The following SUMF1 variants were observed in gnomAD, a reference collection of about 807,000 sequenced individuals.
The protein encoded by SUMF1 is sulfatase modifying factor 1.
Under a neutral mutation model 47.6 loss-of-function variants are expected in SUMF1, and 48 were observed. The observed-to-expected ratio is 1.01, with a 90% CI of 0.80 to 1.28. The LOEUF (loss-of-function observed/expected upper bound fraction) is 1.28, where lower values mean the gene tolerates loss of function less well. SUMF1 is among the 50% of genes most tolerant of loss of function. SUMF1 has a pLI of 0.00. For synonymous variants in SUMF1, 230 were observed against 192.1 expected (o/e 1.20, Z -1.63); for missense variants, 571 against 485.4 (o/e 1.18, Z -1.66).
intron 8 of SUMF1, among the ~76,000 whole-genome samples, chr3:4,092,139 C>T (rs1692802322): frequency 6.6e-6 from 1 of 152,080 alleles, no homozygotes. Flanking sequence ...TCTCTTAGAG[C>T]TGCTTGGCTG....
intron 8 of SUMF1, among the ~76,000 whole-genome samples, chr3:4,212,483 C>A (rs949275429): frequency 2.0e-5 from 3 of 152,058 alleles, no homozygotes; most frequent in African/African-American, 7.2e-5. Context: ...TCTGAAAATT[C>A]CAAAAACCAG....
chr3:4,406,678 C>A (rs537422270), intron 7 of SUMF1, among the ~76,000 whole-genome samples: 1 of 152,058 alleles, frequency 6.6e-6, no homozygotes, highest in East Asian at 1.9e-4. Flanking sequence ...CAAAATAAAA[C>A]AAAAACAAAA....
chr3:4,393,721 C>T (rs778776963), intron 7 of SUMF1, among the ~76,000 whole-genome samples: 3 of 151,816 alleles, frequency 2.0e-5, no homozygotes, highest in African/African-American at 4.8e-5. Context: ...CAAGCAAGAA[C>T]GCCACATATT....
intron 8 of SUMF1, among the ~76,000 whole-genome samples, chr3:4,169,626 A>C (rs1335715174): frequency 6.6e-6 from 1 of 152,140 alleles, no homozygotes; most frequent in African/African-American, 2.4e-5. Context: ...CAGTTTGCGT[A>C]CCTTTTTACT....
At chr3:4,142,448 C>A (rs1268951642) in intron 8 of SUMF1, among the ~76,000 whole-genome samples, 3 of 152,202 alleles carry the variant, frequency 2.0e-5, no homozygotes, top group East Asian at 1.9e-4. Flanking sequence ...TCTGTATCCC[C>A]AGTCTAATAG....
intron 9 of SUMF1, among the ~76,000 whole-genome samples, chr3:4,035,310 A>G (rs1694773310): frequency 6.6e-6 from 1 of 152,166 alleles, no homozygotes; most frequent in South Asian, 2.1e-4. Context: ...CCTAAAAGCT[A>G]GAGTGAAGAA....
At chr3:4,312,703 T>TAAAAAAAAAAAAA (rs375529794) in intron 8 of SUMF1, among the ~76,000 whole-genome samples, 1 of 135,890 alleles carries the variant, frequency 7.4e-6, no homozygotes, top group Admixed American at 7.4e-5. Flanking sequence ...CCCTGTCTCT[T>TAAAAAAAAAAAAA]AAAAAAAAAA....
chr3:4,123,103 G>C (rs1693580946), intron 8 of SUMF1, among the ~76,000 whole-genome samples: 1 of 152,110 alleles, frequency 6.6e-6, no homozygotes. Flanking sequence ...AAAGAAAAAA[G>C]ATAAATTCAG....
chr3:4,134,354 G>A (rs1244216227), intron 8 of SUMF1, among the ~76,000 whole-genome samples: 5 of 152,228 alleles, frequency 3.3e-5, no homozygotes, highest in Admixed American at 3.3e-4. Flanking sequence ...CGAACAACCT[G>A]TCCCTGAATG....
intron 8 of SUMF1, among the ~76,000 whole-genome samples, chr3:4,213,132 T>G (rs539823785): frequency 3.3e-5 from 5 of 151,802 alleles, no homozygotes; most frequent in Non-Finnish European, 5.9e-5. Context: ...AGGTTGAAAT[T>G]AAGGAAAAAA....
At chr3:4,079,126 C>T (rs1281518153) in intron 8 of SUMF1, among the ~76,000 whole-genome samples, 1 of 152,062 alleles carries the variant, frequency 6.6e-6, no homozygotes, top group Non-Finnish European at 1.5e-5. Context: ...TTTAGCCCTT[C>T]CCACACTAAC....
intron 8 of SUMF1, among the ~76,000 whole-genome samples, chr3:4,145,738 A>G (rs1349609483): frequency 2.0e-5 from 3 of 152,182 alleles, no homozygotes; most frequent in African/African-American, 7.2e-5. Flanking sequence ...TTTGGGTTTC[A>G]TGATGAATGG....
chr3:4,078,112 T>C (rs1480559100), intron 8 of SUMF1, among the ~76,000 whole-genome samples: 7 of 152,210 alleles, frequency 4.6e-5, no homozygotes, highest in Middle Eastern at 3.4e-3. Context: ...CACTACTGAT[T>C]GCATATGGTA....
At chr3:4,342,107 C>G (rs1286262454) in intron 8 of SUMF1, among the ~76,000 whole-genome samples, 1 of 152,324 alleles carries the variant, frequency 6.6e-6, no homozygotes, top group East Asian at 1.9e-4. Context: ...AGCAGGCTAA[C>G]TTTAGGTCTT....
At chr3:4,128,249 C>T (rs748720760) in intron 8 of SUMF1, among the ~76,000 whole-genome samples, 14 of 152,284 alleles carry the variant, frequency 9.2e-5, no homozygotes, top group Middle Eastern at 3.4e-3. Flanking sequence ...AAAAGTTGCA[C>T]GCACAGCCTC....
At chr3:4,281,930 A>G (rs1009568194) in intron 8 of SUMF1, among the ~76,000 whole-genome samples, 2 of 152,206 alleles carry the variant, frequency 1.3e-5, no homozygotes, top group Non-Finnish European at 2.9e-5. Context: ...GATTTCAGAA[A>G]GAAAGACAAA....
chr3:4,218,949 A>G (rs761552376), intron 8 of SUMF1, among the ~76,000 whole-genome samples: 43 of 152,140 alleles, frequency 2.8e-4, no homozygotes, highest in Non-Finnish European at 1.0e-4. Context: ...AGAGGAAGTC[A>G]GATTCTAGTA....
At chr3:4,111,092 A>C (rs1174767644) in intron 8 of SUMF1, among the ~76,000 whole-genome samples, 1 of 151,956 alleles carries the variant, frequency 6.6e-6, no homozygotes, top group African/African-American at 2.4e-5. Flanking sequence ...GAAATGATTA[A>C]GAAAGAAAAT....
At chr3:4,299,906 T>C (rs1337989435) in intron 8 of SUMF1, among the ~76,000 whole-genome samples, 6 of 152,194 alleles carry the variant, frequency 3.9e-5, no homozygotes, top group African/African-American at 1.2e-4. Flanking sequence ...AGTAGGAATA[T>C]AAATTTAGTC....
Sources: allele counts gnomAD v4.1 joint callset (sites outside exome capture counted in the v4.1 genomes callset), GRCh38; gene constraint gnomAD v4.1.1; transcripts MANE v1.5; gene names NCBI Gene and HGNC (gene_info 2026-07-23, HGNC 2026-07-21).